VPS9D1: variants seen among roughly 807,000 people sequenced by gnomAD.
VPS9D1 encodes VPS9 domain-containing protein 1.
Under a neutral mutation model 75.8 loss-of-function variants are expected in VPS9D1, and 78 were observed. The observed-to-expected ratio is 1.03, with a 90% CI of 0.86 to 1.24. The LOEUF (loss-of-function observed/expected upper bound fraction) is 1.24. Ranked by LOEUF, VPS9D1 falls within the 50% of genes most tolerant of loss-of-function variation. The pLI is 0.00. For missense variants in VPS9D1, 1,057 were observed against 847.7 expected (o/e 1.25, Z -3.07); for synonymous variants, 481 against 385.6 (o/e 1.25, Z -2.90).
chr16:89,707,863 A>AGGC lies in VPS9D1; in HGVS notation c.1893_1894insGCC. 7.4e-6 allele frequency: 12 copies of AGGC among 1,612,810 alleles called. No individual in the cohort carries two copies. The Admixed American group carries it at 2.0e-4, about 27-fold the overall frequency. ...AGGGACCCTGGGCTCTAGCTGTACT[A>AGGC]CTTGGCCAGGCCTCCCCGGGGCAGC... On this transcript the variant is annotated inframe_insertion, in exon 15 of 15. Coordinates refer to ENST00000389386, the MANE Select transcript of VPS9D1 (RefSeq NM_004913.3).
chr16:89,708,459 C>G lies in VPS9D1; in HGVS notation c.1770G>C (p.Glu590Asp), dbSNP rs1356714251. Residue 590 changes from glutamate (E) to aspartate (D), a missense_variant, in exon 14 of 15, where the codon GAG becomes GAC. By Grantham distance (45) the Glu-to-Asp change is conservative. Coordinates refer to ENST00000389386, the MANE Select transcript of VPS9D1 (RefSeq NM_004913.3). ...GGATGAACTCCTCCAGGGCCGCGCACTCCGACACCAGCTGAGGGAGGCCGC... is the reference window on the plus strand; with the variant it reads ...GGATGAACTCCTCCAGGGCCGCGCAGTCCGACACCAGCTGAGGGAGGCCGC... The part of the protein sequence containing the change: ...LRSGLPQLVS[E>D]CAALEEFIHE... 1.2e-6 allele frequency: 2 copies of G among 1,612,974 alleles called. No individual in the cohort carries two copies. Among genetic ancestry groups the G allele is most frequent in the East Asian group, 2.2e-5 (1 of 44,890 alleles).
chr16:89,711,671 C>T (rs1029739602), intron 8 of VPS9D1: 23 of 691,660 alleles, frequency 3.3e-5, no homozygotes, highest in African/African-American at 9.3e-5. Flanking sequence ...CCCTCCCACG[C>T]GACCCCTGAC....
intron 9 of VPS9D1, 136 bp from the exon 10 acceptor site, chr16:89,711,146 G>T: frequency 1.7e-6 from 2 of 1,201,088 alleles, no homozygotes; most frequent in Non-Finnish European, 2.3e-6. Flanking sequence ...TCTGCCCCCC[G>T]CCCCCGCTGG....
Position 89,712,442 on chromosome 16 carries a change from G to C in VPS9D1, c.606+18C>G, listed in dbSNP as rs200978273. ...TGAGTTTCCCCTCGGGGACCACCAG[G>C]GCGGTCAGAAAGGCTGCTGTCTCCT... On this transcript the variant is annotated intron_variant, in intron 6 of 14. Transcript: ENST00000389386. The C allele has an allele frequency of 6.2e-7, 1 of 1,612,518 alleles. No individual in the cohort carries two copies. Among genetic ancestry groups the C allele is most frequent in the East Asian group, 2.2e-5 (1 of 44,882 alleles).
chr16:89,717,696 CCT>C (rs2061109015), intron 2 of VPS9D1: 3 of 456,376 alleles, frequency 6.6e-6, no homozygotes, highest in Non-Finnish European at 8.8e-6. Flanking sequence ...CACTGGAGTT[CCT>C]CTGTCTTCTG....
chr16:89,708,499 A>G lies in VPS9D1; in HGVS notation c.1730T>C (p.Phe577Ser), dbSNP rs760678530. The change falls in exon 14 of 15, where the codon TTC (phenylalanine) becomes TCC (serine). Residue 577 changes from phenylalanine (F) to serine (S), a missense_variant. Transcript: ENST00000389386. ...AGGGAGGCCGCTCCTCAGCACCACG[A>G]AGGACAGGATGGGCAGCAGGTCATC... The part of the protein sequence containing the change: ...GADDLLPILS[F>S]VVLRSGLPQL... The G allele has an allele frequency of 6.2e-7, 1 of 1,613,150 alleles. No individual in the cohort carries two copies. The highest frequency in any genetic ancestry group is 1.7e-5 in the Admixed American group (1 of 59,988).
Position 89,708,912 on chromosome 16 carries a change from GGCAGTAGTCTTCC to G in VPS9D1, c.1629_1641del (p.Glu544ProfsTer33). 1 of 1,601,086 alleles carries G rather than the reference GGCAGTAGTCTTCC, an allele frequency of 6.2e-7. No homozygotes were observed. Among genetic ancestry groups the G allele is most frequent in the Non-Finnish European group, 8.5e-7 (1 of 1,176,066 alleles). Reference sequence around the variant, plus strand: ...GCCTGGGGTGTGGCCTCTGGGGTGGGGCAGTAGTCTTCCGCACAGACACAGATGATCCGCAGGG... The same window carrying G: ...GCCTGGGGTGTGGCCTCTGGGGTGGGGCACAGACACAGATGATCCGCAGGG... On this transcript the variant is annotated frameshift_variant, in exon 13 of 15. Coordinates refer to ENST00000389386, the MANE Select transcript of VPS9D1 (RefSeq NM_004913.3). LOFTEE classifies it high-confidence loss of function.
Position 89,707,237 on chromosome 16 carries a change from CG to C in VPS9D1, c.*623del, listed in dbSNP as rs2060817063. Reference sequence around the variant, plus strand: ...GACCTAGATAAGATGCCCAGGGTCCCGGAATGTTCACAGCCCACAGCCAAGG... The same window carrying C: ...GACCTAGATAAGATGCCCAGGGTCCCGAATGTTCACAGCCCACAGCCAAGG... On this transcript the variant is annotated 3_prime_UTR_variant, in exon 15 of 15. Transcript: ENST00000389386. The C allele has an allele frequency of 6.6e-6, 1 of 152,518 alleles. No homozygotes were observed. Among genetic ancestry groups the C allele is most frequent in the African/African-American group, 2.4e-5 (1 of 41,438 alleles). 9.4% of individuals were successfully genotyped at this position (152,518 alleles called of 1,614,324 possible). A position where few individuals can be genotyped will look rare whatever the true frequency, so the allele number is the denominator to read the frequency against.
intron 2 of VPS9D1, chr16:89,717,523 G>A (rs2061103640): frequency 4.4e-6 from 2 of 455,128 alleles, no homozygotes; most frequent in Non-Finnish European, 8.8e-6. Context: ...GCCTCTCTGT[G>A]ACTCGCCCCT....
intron 2 of VPS9D1, chr16:89,718,093 C>T (rs553201493): frequency 4.4e-6 from 2 of 455,594 alleles, no homozygotes; most frequent in East Asian, 1.4e-4. Flanking sequence ...CCAGTGGCTC[C>T]CCCTGACCTC....
At position 89,712,989 on chromosome 16, in the gene VPS9D1, A is replaced by G. The variant is rs151273937; in HGVS notation, c.432-273T>C. 1,375 of 273,386 alleles carry G rather than the reference A, an allele frequency of 5.0e-3. 16 individuals carry two copies. The highest frequency in any genetic ancestry group is 0.029 in the African/African-American group (1,299 of 45,062). The allele number at this position is 273,386 out of a possible 1,614,324, so 16.9% of individuals were successfully genotyped here. On this transcript the variant is annotated intron_variant, in intron 4 of 14. Coordinates refer to ENST00000389386, the MANE Select transcript of VPS9D1 (RefSeq NM_004913.3). ...CACCTGAGGTCAGGAGTTCGAGACC[A>G]GCCTGGCCAACATGGTGAAACTCTG...
intron 10 of VPS9D1, 145 bp from the exon 11 acceptor site, chr16:89,710,051 C>A: frequency 8.5e-7 from 1 of 1,173,612 alleles, no homozygotes; most frequent in Non-Finnish European, 1.2e-6. Context: ...CCTCCTCGGC[C>A]CAGGGCAGGG....
At chr16:89,717,751 C>T (rs1371358220) in intron 2 of VPS9D1, 1 of 456,604 alleles carries the variant, frequency 2.2e-6, no homozygotes, top group Non-Finnish European at 4.4e-6. Context: ...CTCCTCCACC[C>T]AACTCCTCAA....
chr16:89,716,096 G>A (rs151037656), intron 4 of VPS9D1, among the ~76,000 whole-genome samples: 1,926 of 152,096 alleles, frequency 0.013, 12 homozygotes, highest in Middle Eastern at 0.034. Flanking sequence ...GGCCGGGCGC[G>A]GTGACTCACG....
intron 2 of VPS9D1, chr16:89,717,498 C>T (rs768234011): frequency 6.0e-5 from 27 of 451,552 alleles, no homozygotes; most frequent in South Asian, 2.5e-4. Context: ...AGCCCTTCTG[C>T]GCGCCGTGGG....
intron 4 of VPS9D1, among the ~76,000 whole-genome samples, chr16:89,714,168 C>T (rs1243124952): frequency 6.6e-6 from 1 of 152,054 alleles, no homozygotes; most frequent in Non-Finnish European, 1.5e-5. Context: ...GAACTCCTGA[C>T]CTCAGGTAAT....
At chr16:89,717,028 C>T (rs1370230129) in intron 2 of VPS9D1, 9 of 382,694 alleles carry the variant, frequency 2.4e-5, no homozygotes, top group Non-Finnish European at 8.9e-6. Flanking sequence ...CGGGTAAGCC[C>T]ACTGCCCCTC....
At chr16:89,712,584 C>A (rs745890809) in intron 5 of VPS9D1, 21 bp downstream of exon 5, 2 of 1,608,232 alleles carry the variant, frequency 1.2e-6, no homozygotes, top group Non-Finnish European at 1.7e-6. Context: ...CACCCCCAGG[C>A]CCTCCCTAGC....
rs567486102 is a variant in VPS9D1 at position 89,708,537 on chromosome 16, G to A, written c.1698-6C>T. 43 of 1,611,740 alleles carry A rather than the reference G, an allele frequency of 2.7e-5. No individual in the cohort carries two copies. The highest frequency in any genetic ancestry group is 8.8e-5 in the South Asian group (8 of 90,790). On this transcript the variant is annotated splice_region_variant and splice_polypyrimidine_tract_variant and intron_variant, in intron 13 of 14. Coordinates refer to ENST00000389386, the MANE Select transcript of VPS9D1 (RefSeq NM_004913.3). ...GCAGCAGGTCATCGGCACCACTGTCGGGAGGGCATAGCGGCCTTGGGTTGG... is the reference window on the plus strand; with the variant it reads ...GCAGCAGGTCATCGGCACCACTGTCAGGAGGGCATAGCGGCCTTGGGTTGG...
Sources: allele counts gnomAD v4.1 joint callset (sites outside exome capture counted in the v4.1 genomes callset), GRCh38; gene constraint gnomAD v4.1.1; transcripts MANE v1.5; gene names NCBI Gene and HGNC (gene_info 2026-07-23, HGNC 2026-07-21).